Variants in NRXN1 observed in about 807,000 individuals in gnomAD.
NRXN1 encodes neurexin-1.
NRXN1 carries 39 observed loss-of-function variants against 150.9 expected under a neutral mutation model. The ratio of observed to expected loss-of-function variants is 0.26; its 90% CI spans 0.20 to 0.34. The LOEUF is 0.34. NRXN1 is among the 10% of genes least tolerant of loss of function. NRXN1 has a pLI of 1.00. For missense variants in NRXN1, 1,815 were observed against 1,949.9 expected, an observed-to-expected ratio of 0.93 and a Z score of 1.30; for synonymous variants, 924 against 757.0, an observed-to-expected ratio of 1.22 and a Z score of -3.62.
At chr2:50,154,617 T>C (rs142913346) in intron 18 of NRXN1, among the ~76,000 whole-genome samples, 182 of 151,704 alleles carry the variant, frequency 1.2e-3, no homozygotes, top group African/African-American at 4.1e-3. Flanking sequence ...AGTACTTCAA[T>C]AAAGAAAGGC....
intron 17 of NRXN1, among the ~76,000 whole-genome samples, chr2:50,358,773 T>A (rs1422931768): frequency 6.6e-6 from 1 of 152,196 alleles, no homozygotes; most frequent in East Asian, 1.9e-4. Flanking sequence ...CTGATCCCCA[T>A]GTCTCCTGAT....
chr2:50,715,104 A>G (rs775293568), intron 5 of NRXN1, among the ~76,000 whole-genome samples: 4 of 152,174 alleles, frequency 2.6e-5, no homozygotes, highest in Non-Finnish European at 5.9e-5. Context: ...AAAAATTTAT[A>G]TTAACTTCTT....
chr2:50,448,940 T>C (rs910312339), intron 17 of NRXN1, among the ~76,000 whole-genome samples: 1 of 152,160 alleles, frequency 6.6e-6, no homozygotes, highest in Non-Finnish European at 1.5e-5. Flanking sequence ...GAACAGCCTA[T>C]GGAAAGCTGG....
intron 5 of NRXN1, among the ~76,000 whole-genome samples, chr2:50,677,289 A>G (rs1295290363): frequency 6.6e-6 from 1 of 152,190 alleles, no homozygotes; most frequent in Non-Finnish European, 1.5e-5. Flanking sequence ...AATGGCCAAC[A>G]TAATTGATAT....
At position 49,974,616 on chromosome 2, in the gene NRXN1, T is replaced by C. The variant is rs550406951; in HGVS notation, c.4129-30825A>G. 2.0e-5 allele frequency among the ~76,000 whole-genome samples: 3 copies of C among 152,348 alleles called. No individual in the cohort carries two copies. In the East Asian group the frequency reaches 5.8e-4, roughly 29 times the overall value. ...ATGGAACCCTCCTAGTAGAATCTCC[T>C]CGAAGCCTTGTAATTGTAATTACAA... is the stretch of plus-strand genomic sequence containing the variant. On this transcript the variant is annotated intron_variant, in intron 21 of 22. Coordinates refer to ENST00000401669, the MANE Select transcript of NRXN1 (RefSeq NM_001330078.2).
At chr2:50,702,727 TA>T (rs1252231639) in intron 5 of NRXN1, among the ~76,000 whole-genome samples, 2 of 152,182 alleles carry the variant, frequency 1.3e-5, no homozygotes, top group Non-Finnish European at 2.9e-5. Flanking sequence ...ATAAATTCAC[TA>T]AATTAAAACA....
At chr2:50,226,728 A>G (rs1355843459) in intron 18 of NRXN1, among the ~76,000 whole-genome samples, 1 of 151,890 alleles carries the variant, frequency 6.6e-6, no homozygotes, top group Admixed American at 6.6e-5. Context: ...CAAGATACCA[A>G]TCTATAAATA....
chr2:49,981,286 T>G (rs556312380), intron 21 of NRXN1, among the ~76,000 whole-genome samples: 1 of 152,122 alleles, frequency 6.6e-6, no homozygotes, highest in South Asian at 2.1e-4. Context: ...AGTCAGTGAC[T>G]AAATATTTTT....
intron 5 of NRXN1, among the ~76,000 whole-genome samples, chr2:50,827,732 C>T (rs1670663762): frequency 6.6e-6 from 1 of 151,654 alleles, no homozygotes; most frequent in Non-Finnish European, 1.5e-5. Flanking sequence ...CTCTGGTTTT[C>T]CTAGGCAGAG....
intron 18 of NRXN1, among the ~76,000 whole-genome samples, chr2:50,219,992 T>A (rs1205764530): frequency 5.5e-5 from 2 of 36,244 alleles, no homozygotes; most frequent in African/African-American, 1.4e-4. Flanking sequence ...ATATTATATA[T>A]AATATATATT....
At chr2:50,984,263 G>T (rs1012207825) in intron 2 of NRXN1, among the ~76,000 whole-genome samples, 7 of 149,986 alleles carry the variant, frequency 4.7e-5, no homozygotes, top group African/African-American at 1.7e-4. Context: ...GGGATTACAG[G>T]CATGAGCCAC....
chr2:50,078,937 T>A (rs910055614), intron 19 of NRXN1, among the ~76,000 whole-genome samples: 6 of 152,064 alleles, frequency 3.9e-5, no homozygotes, highest in Non-Finnish European at 8.8e-5. Context: ...TTCGCACTTA[T>A]TTTGGTATCT....
chr2:49,992,196 G>A (rs1249733389), intron 21 of NRXN1, among the ~76,000 whole-genome samples: 1 of 152,062 alleles, frequency 6.6e-6, no homozygotes, highest in Non-Finnish European at 1.5e-5. Flanking sequence ...AAAACCAAAG[G>A]ATGATCCATG....
chr2:50,352,306 A>T (rs1241342797), intron 17 of NRXN1, among the ~76,000 whole-genome samples: 2 of 152,154 alleles, frequency 1.3e-5, no homozygotes, highest in African/African-American at 4.8e-5. Context: ...TTATTTCTTC[A>T]TATTACAAAA....
chr2:50,725,314 G>C (rs941407735), intron 5 of NRXN1, among the ~76,000 whole-genome samples: 7 of 150,836 alleles, frequency 4.6e-5, no homozygotes, highest in African/African-American at 1.5e-4. Flanking sequence ...CATGTTTATA[G>C]TGTTTATATG....
intron 5 of NRXN1, among the ~76,000 whole-genome samples, chr2:50,656,023 A>G (rs1686404619): frequency 6.6e-6 from 1 of 152,024 alleles, no homozygotes; most frequent in African/African-American, 2.4e-5. Context: ...TAAAATCATT[A>G]CAAATCTGTC....
intron 15 of NRXN1, among the ~76,000 whole-genome samples, chr2:50,473,316 T>C (rs918060874): frequency 6.6e-6 from 1 of 151,968 alleles, no homozygotes; most frequent in African/African-American, 2.4e-5. Flanking sequence ...TTTAACTTTT[T>C]CTCTCTAGGT....
rs570329708 is a variant in NRXN1, at chr2:50,068,730, C to T, written c.3719-13686G>A. 2.0e-4 allele frequency among the ~76,000 whole-genome samples: 31 copies of T among 152,186 alleles called. 2 individuals carry two copies. The South Asian group carries it at 5.0e-3, about 24-fold the overall frequency. On this transcript the variant is annotated intron_variant, in intron 19 of 22. Coordinates refer to ENST00000401669, the MANE Select transcript of NRXN1 (RefSeq NM_001330078.2). ...TTGTTTATTCTCTAGTATGATGTGC[C>T]TTACACAATATATCTAAGAATGTGT... is the stretch of plus-strand genomic sequence containing the variant.
At chr2:50,195,632 C>T (rs192492246) in intron 18 of NRXN1, among the ~76,000 whole-genome samples, 55 of 152,254 alleles carry the variant, frequency 3.6e-4, no homozygotes, top group Admixed American at 6.5e-4. Context: ...TTGATTGTCA[C>T]TCTCCTCCCT....
Sources: gnomAD v4.1 joint callset for allele counts (sites outside exome capture counted in the v4.1 genomes callset) on GRCh38, gnomAD v4.1.1 for gene constraint, MANE v1.5 for transcripts, NCBI Gene and HGNC (gene_info 2026-07-23, HGNC 2026-07-21) for gene names.